MCPH1: variants seen among roughly 807,000 people sequenced by gnomAD.
MCPH1 encodes microcephalin 1, also known as microcephalin.
MCPH1 carries 104 observed loss-of-function variants against 84.5 expected under a neutral mutation model. That is an observed-to-expected ratio of 1.23 (90% CI 1.05 to 1.45). The LOEUF is 1.45. Ranked by LOEUF, MCPH1 falls within the 40% of genes most tolerant of loss-of-function variation. The pLI is 0.00. For missense variants in MCPH1, 1,498 were observed against 1,005.7 expected (o/e 1.49, Z -6.62); for synonymous variants, 514 against 366.8 (o/e 1.40, Z -4.58).
intron 9 of MCPH1, among the ~76,000 whole-genome samples, chr8:6,457,219 C>T (rs1231022158): frequency 6.6e-6 from 1 of 152,168 alleles, no homozygotes; most frequent in East Asian, 1.9e-4. Context: ...ACTTTGCCCT[C>T]ATAATTTAGA....
intron 9 of MCPH1, among the ~76,000 whole-genome samples, chr8:6,465,349 G>A (rs918240234): frequency 6.6e-6 from 1 of 152,122 alleles, no homozygotes; most frequent in Non-Finnish European, 1.5e-5. Context: ...GCCACTTCCC[G>A]CGGAGCTGTT....
At chr8:6,589,202 T>G (rs1222239944) in intron 12 of MCPH1, among the ~76,000 whole-genome samples, 1 of 152,204 alleles carries the variant, frequency 6.6e-6, no homozygotes, top group Non-Finnish European at 1.5e-5. Flanking sequence ...TGAAGGCATT[T>G]TACAGAGCTC....
At chr8:6,554,761 G>A (rs565404578) in intron 12 of MCPH1, among the ~76,000 whole-genome samples, 9 of 152,198 alleles carry the variant, frequency 5.9e-5, no homozygotes, top group East Asian at 3.9e-4. Context: ...CGGAGGGAGC[G>A]GGAGAGTCCA....
chr8:6,576,531 T>G (rs1290159773), intron 12 of MCPH1, among the ~76,000 whole-genome samples: 3 of 25,844 alleles, frequency 1.2e-4, no homozygotes, highest in African/African-American at 3.3e-4. Flanking sequence ...TCCCTTTAGA[T>G]GTAGTCTCCC....
chr8:6,500,797 T>C (rs1047457250), intron 12 of MCPH1: 3 of 152,204 alleles, frequency 2.0e-5, no homozygotes, highest in Non-Finnish European at 4.4e-5. Context: ...AAAACACAAA[T>C]TCCCCCCATT....
intron 12 of MCPH1, among the ~76,000 whole-genome samples, chr8:6,620,622 G>C (rs1831312699): frequency 6.6e-6 from 1 of 152,130 alleles, no homozygotes. Context: ...GATATTGTAG[G>C]AAAAATAAGC....
intron 8 of MCPH1, chr8:6,446,302 C>G (rs1350571672): frequency 1.0e-6 from 1 of 985,018 alleles, no homozygotes; most frequent in South Asian, 4.7e-5. Flanking sequence ...CTTTGACCGT[C>G]TTTACCTAAA....
chr8:6,482,681 G>C (rs1353490502), intron 11 of MCPH1, among the ~76,000 whole-genome samples: 1 of 152,184 alleles, frequency 6.6e-6, no homozygotes, highest in Non-Finnish European at 1.5e-5. Flanking sequence ...ATAGAGACCT[G>C]CTCCCTGGTT....
At chr8:6,561,709 A>G (rs1825567846) in intron 12 of MCPH1, among the ~76,000 whole-genome samples, 1 of 152,244 alleles carries the variant, frequency 6.6e-6, no homozygotes, top group Non-Finnish European at 1.5e-5. Flanking sequence ...CCTTTAGAAT[A>G]TATATAGTCC....
At chr8:6,475,894 G>C (rs1808385309) in intron 9 of MCPH1, among the ~76,000 whole-genome samples, 2 of 152,178 alleles carry the variant, frequency 1.3e-5, no homozygotes, top group Admixed American at 6.5e-5. Flanking sequence ...GTCTCTTAGA[G>C]AGGCCGTCAC....
At chr8:6,605,317 G>A (rs1829671982) in intron 12 of MCPH1, among the ~76,000 whole-genome samples, 1 of 152,144 alleles carries the variant, frequency 6.6e-6, no homozygotes, top group Non-Finnish European at 1.5e-5. Context: ...GTTCGCTTGG[G>A]ACTCACACTC....
chr8:6,629,525 A>G (rs1327039706), intron 13 of MCPH1, among the ~76,000 whole-genome samples: 1 of 152,182 alleles, frequency 6.6e-6, no homozygotes, highest in Non-Finnish European at 1.5e-5. Flanking sequence ...CACAGAGAAG[A>G]GTCCAAGTGA....
chr8:6,424,369 AC>A (rs1227819269), intron 3 of MCPH1, among the ~76,000 whole-genome samples: 1 of 152,012 alleles, frequency 6.6e-6, no homozygotes, highest in African/African-American at 2.4e-5. Flanking sequence ...GAAGGCCATC[AC>A]CCCCTGCATT....
chr8:6,572,819 C>G (rs2515516), intron 12 of MCPH1, among the ~76,000 whole-genome samples: 110,136 of 152,214 alleles, frequency 0.72, 42,523 homozygotes, highest in Non-Finnish European at 0.85. Context: ...AGCACTGCTG[C>G]CTAAGGCCCT....
At chr8:6,496,247 C>A (rs994651723) in intron 11 of MCPH1, among the ~76,000 whole-genome samples, 2 of 152,134 alleles carry the variant, frequency 1.3e-5, no homozygotes, top group African/African-American at 4.8e-5. Flanking sequence ...ACCTAGATCC[C>A]TCATCTGCAC....
chr8:6,407,022 C>T, intron 1 of MCPH1: 2 of 372,974 alleles, frequency 5.4e-6, no homozygotes, highest in Non-Finnish European at 4.9e-6. Context: ...CCCCTCAATC[C>T]CCCGCTGCCT....
chr8:6,621,582 G>C lies in MCPH1; in HGVS notation c.2343G>C (p.Leu781=). The change falls in exon 13 of 14, where the codon CTG becomes CTC. Residue 781 remains leucine, a synonymous_variant. Coordinates refer to ENST00000344683, the MANE Select transcript of MCPH1 (RefSeq NM_024596.5). The part of the protein sequence containing the change: ...PVAKLCELVH[L]CGGRVSQVPR... Reference sequence around the variant, plus strand: ...CCAAGCTCTGTGAACTAGTCCACCTGTGCGGAGGCCGGGTCAGCCAAGTCC... The same window carrying C: ...CCAAGCTCTGTGAACTAGTCCACCTCTGCGGAGGCCGGGTCAGCCAAGTCC... The C allele has an allele frequency of 6.2e-7, 1 of 1,614,228 alleles. No homozygotes were observed. The highest frequency in any genetic ancestry group is 8.5e-7 in the Non-Finnish European group (1 of 1,180,036).
At chr8:6,594,712 G>C (rs534409633) in intron 12 of MCPH1, among the ~76,000 whole-genome samples, 4 of 152,058 alleles carry the variant, frequency 2.6e-5, no homozygotes, top group Admixed American at 1.3e-4. Context: ...GGGGACTGCA[G>C]GGGACTGCAG....
At chr8:6,460,153 C>T (rs1363319101) in intron 9 of MCPH1, among the ~76,000 whole-genome samples, 1 of 151,926 alleles carries the variant, frequency 6.6e-6, no homozygotes, top group African/African-American at 2.4e-5. Context: ...TCTCACGCCT[C>T]CATTGCTGGG....
Sources: gnomAD v4.1 joint callset for allele counts (sites outside exome capture counted in the v4.1 genomes callset) on GRCh38, gnomAD v4.1.1 for gene constraint, MANE v1.5 for transcripts, NCBI Gene and HGNC (gene_info 2026-07-23, HGNC 2026-07-21) for gene names.